The following RNF11 variants were observed in gnomAD, a reference collection of about 807,000 sequenced individuals.
RNF11 encodes ring finger protein 11.
A neutral mutation model predicts 15.8 loss-of-function variants in RNF11; 4 were observed. The ratio of observed to expected loss-of-function variants is 0.25; its 90% CI spans 0.12 to 0.58. The LOEUF (loss-of-function observed/expected upper bound fraction) is 0.58. Among genes scored for constraint, RNF11 ranks in the 20% least tolerant of loss-of-function variants. The pLI is 0.91. For missense variants in RNF11, 139 were observed against 194.4 expected (o/e 0.71, Z 1.70); for synonymous variants, 68 against 72.3 (o/e 0.94, Z 0.30).
intron 1 of RNF11, among the ~76,000 whole-genome samples, chr1:51,259,278 G>T (rs1646919235): frequency 6.6e-6 from 1 of 152,132 alleles, no homozygotes; most frequent in Non-Finnish European, 1.5e-5. Context: ...TGTCAGTATT[G>T]CCCAGGTTGA....
In RNF11 at chr1:51,273,262, CATGTTGCAGTTA is replaced by C. The variant is rs2148076552; in HGVS notation, c.*1941_*1952del. On this transcript the variant is annotated 3_prime_UTR_variant, in exon 3 of 3. Transcript: ENST00000242719. Reference sequence around the variant, plus strand: ...ATGAACTTTTTTAAAAATCATCTTCCATGTTGCAGTTAGTCTTTCTTTTCATTACAAGTCTTT... The same window carrying C: ...ATGAACTTTTTTAAAAATCATCTTCCGTCTTTCTTTTCATTACAAGTCTTT... The C allele has an allele frequency of 6.6e-6, 1 of 152,132 alleles. No individual in the cohort carries two copies. Among genetic ancestry groups the C allele is most frequent in the South Asian group, 2.1e-4 (1 of 4,822 alleles). 9.4% of individuals were successfully genotyped at this position (152,132 alleles called of 1,614,324 possible). A position where few individuals can be genotyped will look rare whatever the true frequency, so the allele number is the denominator to read the frequency against.
chr1:51,252,081 C>CAAAAAAAAAAAAAAAAAAAAAAAAA, intron 1 of RNF11, among the ~76,000 whole-genome samples: 1 of 53,636 alleles, frequency 1.9e-5, no homozygotes, highest in East Asian at 6.3e-4. Flanking sequence ...CATCTCAAAG[C>CAAAAAAAAAAAAAAAAAAAAAAAAA]AAAAAAAAAA....
chr1:51,250,823 G>A lies in RNF11; in HGVS notation c.123+13944G>A, dbSNP rs976632465. ...CCCAGGCTGAGGTGCAGCAGTCATC[G>A]ATACCAGCCATCATGAGCAGCTTCT... is the stretch of plus-strand genomic sequence containing the variant. On this transcript the variant is annotated intron_variant, in intron 1 of 2. Coordinates refer to ENST00000242719, the MANE Select transcript of RNF11 (RefSeq NM_014372.5). 2.5e-5 allele frequency: 35 copies of A among 1,394,790 alleles called. No individual in the cohort carries two copies. In the East Asian group the frequency reaches 3.9e-4, roughly 15 times the overall value. The allele number at this position is 1,394,790 out of a possible 1,614,324, so 86.4% of individuals were successfully genotyped here. A position where few individuals can be genotyped will look rare whatever the true frequency, so the allele number is the denominator to read the frequency against.
intron 1 of RNF11, among the ~76,000 whole-genome samples, chr1:51,245,490 C>T (rs758301997): frequency 9.2e-5 from 14 of 151,382 alleles, no homozygotes; most frequent in African/African-American, 2.7e-4. Flanking sequence ...CTTACTCCAT[C>T]GCCCAGGCTG....
intron 1 of RNF11, among the ~76,000 whole-genome samples, chr1:51,268,086 A>AGG (rs1646963041): frequency 6.6e-6 from 1 of 152,182 alleles, no homozygotes; most frequent in African/African-American, 2.4e-5. Flanking sequence ...CTACTCACTC[A>AGG]GTGTCTGTTA....
chr1:51,246,626 G>A (rs755613890), intron 1 of RNF11, among the ~76,000 whole-genome samples: 84 of 152,200 alleles, frequency 5.5e-4, no homozygotes, highest in Non-Finnish European at 9.6e-4. Flanking sequence ...GTAGGCTGAG[G>A]CGGGAGGATT....
At chr1:51,262,663 C>A (rs1646935865) in intron 1 of RNF11, among the ~76,000 whole-genome samples, 1 of 151,178 alleles carries the variant, frequency 6.6e-6, no homozygotes, top group Non-Finnish European at 1.5e-5. Context: ...TCTTGTGCGT[C>A]AGCCTCCCAA....
rs1646981412 is a variant in RNF11, at chr1:51,272,014, C to G, written c.*692C>G. ...GTAAGCAAACTGAGATGCACTATCC[C>G]TTTTCTATAAAAAATAAGTTAATGT... On this transcript the variant is annotated 3_prime_UTR_variant, in exon 3 of 3. Coordinates refer to ENST00000242719, the MANE Select transcript of RNF11 (RefSeq NM_014372.5). The G allele has an allele frequency of 6.6e-6, 1 of 152,574 alleles. No homozygotes were observed. The highest frequency in any genetic ancestry group is 1.5e-5 in the Non-Finnish European group (1 of 68,030). The allele number at this position is 152,574 out of a possible 1,614,324, so 9.5% of individuals were successfully genotyped here.
intron 1 of RNF11, 154 bp from the exon 2 acceptor site, chr1:51,269,802 G>A (rs1646970204): frequency 3.1e-6 from 2 of 643,106 alleles, no homozygotes; most frequent in Admixed American, 2.9e-5. Flanking sequence ...AGTAGCTGAA[G>A]TTAAGGCAGG....
chr1:51,271,083 T>C, intron 2 of RNF11, 68 bp from the exon 3 acceptor site: 1 of 1,292,294 alleles, frequency 7.7e-7, no homozygotes, highest in Middle Eastern at 1.9e-4. Context: ...TTTAATGGGA[T>C]TTAAAGAGTT....
chr1:51,247,425 A>G (rs1423920731), intron 1 of RNF11, among the ~76,000 whole-genome samples: 1 of 151,732 alleles, frequency 6.6e-6, no homozygotes, highest in Non-Finnish European at 1.5e-5. Context: ...CCTCAGGTTA[A>G]ATGGAAGTAT....
At chr1:51,258,690 C>T (rs1244585909) in intron 1 of RNF11, among the ~76,000 whole-genome samples, 7 of 152,186 alleles carry the variant, frequency 4.6e-5, no homozygotes, top group African/African-American at 1.4e-4. Flanking sequence ...GCAAATTTCT[C>T]GAGTTAATAA....
chr1:51,262,668 T>C (rs1195340927), intron 1 of RNF11, among the ~76,000 whole-genome samples: 3 of 148,598 alleles, frequency 2.0e-5, no homozygotes, highest in African/African-American at 7.4e-5. Context: ...TGCGTCAGCC[T>C]CCCAAGTAGT....
intron 1 of RNF11, chr1:51,251,020 C>T (rs1168317081): frequency 1.9e-5 from 28 of 1,470,436 alleles, no homozygotes; most frequent in Non-Finnish European, 2.6e-5. Context: ...AGGATGATGG[C>T]CCCATGGATG....
chr1:51,258,626 T>C (rs1646915802), intron 1 of RNF11, among the ~76,000 whole-genome samples: 2 of 152,198 alleles, frequency 1.3e-5, no homozygotes, highest in African/African-American at 4.8e-5. Context: ...TTATCAGAAA[T>C]ACCCATATGT....
intron 1 of RNF11, among the ~76,000 whole-genome samples, chr1:51,258,949 A>G (rs1273005630): frequency 1.3e-5 from 2 of 152,086 alleles, no homozygotes; most frequent in East Asian, 3.9e-4. Context: ...TCCCCACCCC[A>G]TTTTCATGTG....
rs1391338275 is a variant in RNF11 at position 51,251,322 on chromosome 1, C to T, written c.123+14443C>T. 2.5e-5 allele frequency: 38 copies of T among 1,516,126 alleles called. No homozygotes were observed. In the East Asian group the frequency reaches 7.8e-4, roughly 31 times the overall value. The allele number at this position is 1,516,126 out of a possible 1,614,324, so 93.9% of individuals were successfully genotyped here. On this transcript the variant is annotated intron_variant, in intron 1 of 2. Coordinates refer to ENST00000242719, the MANE Select transcript of RNF11 (RefSeq NM_014372.5). ...CATCCACTCCTTATCCTCGGCCTTG[C>T]CTCCGCGAGCTCCGCGGCCTCGGCC...
rs900222001 is a variant in RNF11, at chr1:51,251,006, G to A, written c.123+14127G>A. On this transcript the variant is annotated intron_variant, in intron 1 of 2. Coordinates refer to ENST00000242719, the MANE Select transcript of RNF11 (RefSeq NM_014372.5). ...TGCGCACGGGGACAATGGAGAGCTT[G>A]GCCAGGATGATGGCCCCATGGATGG... The A allele has an allele frequency of 3.3e-5, 47 of 1,427,762 alleles. 1 individual carries two copies. The Admixed American group carries it at 8.4e-4, about 25-fold the overall frequency. The allele number at this position is 1,427,762 out of a possible 1,614,324, so 88.4% of individuals were successfully genotyped here.
At chr1:51,264,284 A>C (rs1646943961) in intron 1 of RNF11, among the ~76,000 whole-genome samples, 1 of 83,862 alleles carries the variant, frequency 1.2e-5, no homozygotes, top group Non-Finnish European at 2.2e-5. Flanking sequence ...AAAAAAAAAA[A>C]AAAATATATA....
Sources: allele counts gnomAD v4.1 joint callset (sites outside exome capture counted in the v4.1 genomes callset), GRCh38; gene constraint gnomAD v4.1.1; transcripts MANE v1.5; gene names NCBI Gene and HGNC (gene_info 2026-07-23, HGNC 2026-07-21).